CLEC19A: variants seen among roughly 807,000 people sequenced by gnomAD.
The protein encoded by CLEC19A is C-type lectin domain containing 19A.
In CLEC19A, 21 loss-of-function variants were observed where a neutral mutation model predicts 26.1. The ratio of observed to expected loss-of-function variants is 0.80; its 90% CI spans 0.57 to 1.16. CLEC19A has a LOEUF of 1.16. CLEC19A is among the 50% of genes most tolerant of loss of function. The probability of loss-of-function intolerance (pLI) is 0.00; values close to 1 mark genes in which losing one functional copy is unlikely to be tolerated. For missense variants in CLEC19A, 224 were observed against 227.6 expected, an observed-to-expected ratio of 0.98 and a Z score of 0.10; for synonymous variants, 89 against 88.6, an observed-to-expected ratio of 1.00 and a Z score of -0.03.
At position 19,309,379 on chromosome 16, in the gene CLEC19A, G is replaced by T. The variant is rs78529313; in HGVS notation, c.*296G>T. The T allele has an allele frequency of 6.9e-6, 2 of 291,028 alleles. No homozygotes were observed. The highest frequency in any genetic ancestry group is 8.0e-5 in the South Asian group (2 of 24,916). The allele number at this position is 291,028 out of a possible 1,614,324, so 18.0% of individuals were successfully genotyped here. On this transcript the variant is annotated 3_prime_UTR_variant, in exon 5 of 5. Transcript: ENST00000636231. Reference sequence around the variant, plus strand: ...ATCTCACTGGCCTGGCTCGGGTCACGTGCCCATCCCTGAAGCAATCACTTT... The same window carrying T: ...ATCTCACTGGCCTGGCTCGGGTCACTTGCCCATCCCTGAAGCAATCACTTT...
chr16:19,294,405 C>G (rs373771243), intron 1 of CLEC19A, among the ~76,000 whole-genome samples: 5 of 152,156 alleles, frequency 3.3e-5, no homozygotes, highest in Non-Finnish European at 7.3e-5. Context: ...CATCAGCCTT[C>G]GTAATGCTTG....
At position 19,293,462 on chromosome 16, in the gene CLEC19A, AT is replaced by A. The variant is rs56127926; in HGVS notation, c.89-5199del. 8.7e-3 allele frequency among the ~76,000 whole-genome samples: 1,309 copies of A among 149,924 alleles called. 24 individuals carry two copies. The highest frequency in any genetic ancestry group is 0.029 in the African/African-American group (1,200 of 40,998). On this transcript the variant is annotated intron_variant, in intron 1 of 4. Coordinates refer to ENST00000636231, the MANE Select transcript of CLEC19A (RefSeq NM_001256720.2). ...TCTTTGGTACTTTTTAATTTTTTTA[AT>A]TTTTTTTTTTTGTTTTTGAGACAGG...
At chr16:19,293,860 A>T (rs1231550564) in intron 1 of CLEC19A, among the ~76,000 whole-genome samples, 1 of 152,228 alleles carries the variant, frequency 6.6e-6, no homozygotes, top group African/African-American at 2.4e-5. Flanking sequence ...AAGGTAAATG[A>T]GGTGTCCATC....
At position 19,309,038 on chromosome 16, in the gene CLEC19A, G is replaced by T. The variant is rs1898012984; in HGVS notation, c.516G>T (p.Arg172=). The part of the protein sequence containing the change: ...LRSWNDNTCS[R]KFPFVCKIPS... ...CATGGAATGATAACACCTGCAGCCG[G>T]AAGTTCCCCTTTGTCTGCAAAATCC... The change falls in exon 5 of 5, where the codon CGG becomes CGT. Residue 172 remains arginine, a synonymous_variant. Transcript: ENST00000636231. The T allele has an allele frequency of 1.9e-6, 3 of 1,548,354 alleles. No homozygotes were observed. Among genetic ancestry groups the T allele is most frequent in the East Asian group, 2.4e-5 (1 of 40,930 alleles).
At chr16:19,304,359 G>T in intron 3 of CLEC19A, 2 of 420,294 alleles carry the variant, frequency 4.8e-6, no homozygotes, top group South Asian at 3.8e-5. Flanking sequence ...GGAACAGATA[G>T]CATGGTCAGA....
intron 1 of CLEC19A, among the ~76,000 whole-genome samples, chr16:19,290,097 A>G (rs1241702183): frequency 5.9e-5 from 9 of 151,966 alleles, no homozygotes; most frequent in Non-Finnish European, 1.3e-4. Flanking sequence ...AGCCAGATTC[A>G]GTAGGAAGGT....
chr16:19,294,918 C>T (rs1897673698), intron 1 of CLEC19A, among the ~76,000 whole-genome samples: 1 of 152,112 alleles, frequency 6.6e-6, no homozygotes, highest in South Asian at 2.1e-4. Context: ...CCATCTGGGG[C>T]AGGGTTTCTC....
chr16:19,298,939 A>C (rs1897761486), intron 2 of CLEC19A, 101 bp downstream of exon 2: 13 of 1,286,230 alleles, frequency 1.0e-5, no homozygotes, highest in Middle Eastern at 2.5e-4. Context: ...TGGTAATTGA[A>C]ACTATTTGAA....
chr16:19,300,430 C>T (rs924134444), intron 2 of CLEC19A, among the ~76,000 whole-genome samples: 1 of 151,750 alleles, frequency 6.6e-6, no homozygotes, highest in Non-Finnish European at 1.5e-5. Context: ...CACCTGTAGT[C>T]CCAGCTACTC....
At chr16:19,289,620 C>T (rs1897539972) in intron 1 of CLEC19A, among the ~76,000 whole-genome samples, 1 of 152,178 alleles carries the variant, frequency 6.6e-6, no homozygotes, top group Non-Finnish European at 1.5e-5. Context: ...GATACGGATA[C>T]TCCCTCCTAG....
Position 19,309,378 on chromosome 16 carries a change from C to A in CLEC19A, c.*295C>A, listed in dbSNP as rs549924039. 3.5e-6 allele frequency: 1 copy of A among 289,228 alleles called. No individual in the cohort carries two copies. The highest frequency in any genetic ancestry group is 2.3e-5 in the African/African-American group (1 of 44,140). 17.9% of individuals were successfully genotyped at this position (289,228 alleles called of 1,614,324 possible). ...AATCTCACTGGCCTGGCTCGGGTCA[C>A]GTGCCCATCCCTGAAGCAATCACTT... On this transcript the variant is annotated 3_prime_UTR_variant, in exon 5 of 5. Transcript: ENST00000636231.
chr16:19,298,581 A>G (rs1548449), intron 1 of CLEC19A, 92 bp from the exon 2 acceptor site: 2 of 1,334,966 alleles, frequency 1.5e-6, no homozygotes, highest in African/African-American at 1.5e-5. Context: ...AAAAATTAAA[A>G]GATTGTAAAG....
intron 1 of CLEC19A, among the ~76,000 whole-genome samples, chr16:19,292,450 T>C (rs756660887): frequency 1.3e-5 from 2 of 152,228 alleles, no homozygotes; most frequent in Non-Finnish European, 2.9e-5. Context: ...TCAGGACTCC[T>C]GGTTTCAAAG....
chr16:19,295,814 G>A (rs962240844), intron 1 of CLEC19A, among the ~76,000 whole-genome samples: 2 of 152,182 alleles, frequency 1.3e-5, no homozygotes, highest in African/African-American at 2.4e-5. Flanking sequence ...CCCAAGCAGC[G>A]ATTCAGTAGA....
At chr16:19,287,074 A>T in intron 1 of CLEC19A, among the ~76,000 whole-genome samples, 1 of 143,264 alleles carries the variant, frequency 7.0e-6, no homozygotes, top group Admixed American at 7.2e-5. Context: ...ACAATAAGGG[A>T]TAGTCTTAGC....
At chr16:19,306,858 G>A (rs1411463288) in intron 3 of CLEC19A, among the ~76,000 whole-genome samples, 1 of 152,142 alleles carries the variant, frequency 6.6e-6, no homozygotes, top group African/African-American at 2.4e-5. Flanking sequence ...GAAGTAGCAT[G>A]CTATTCCCAT....
rs1477115747 is a variant in CLEC19A at position 19,310,074 on chromosome 16, A to G, written c.*991A>G. On this transcript the variant is annotated 3_prime_UTR_variant, in exon 5 of 5. Transcript: ENST00000636231. ...TGTAAAATAGTGAAGCCACTGTGGA[A>G]AAGTTTGGCAGTTCCTCAAAAAGTT... The G allele has an allele frequency of 2.0e-5, 3 of 152,226 alleles. No individual in the cohort carries two copies. Among genetic ancestry groups the G allele is most frequent in the Admixed American group, 6.5e-5 (1 of 15,290 alleles). The allele number at this position is 152,226 out of a possible 1,614,324, so 9.4% of individuals were successfully genotyped here.
chr16:19,298,484 T>C (rs1417323102), intron 1 of CLEC19A, among the ~76,000 whole-genome samples, 189 bp from the exon 2 acceptor site: 2 of 152,194 alleles, frequency 1.3e-5, no homozygotes, highest in East Asian at 3.9e-4. Flanking sequence ...GGAGTATCAC[T>C]TGAGCTGAGA....
At chr16:19,308,258 A>T (rs936698904) in intron 4 of CLEC19A, among the ~76,000 whole-genome samples, 1 of 152,078 alleles carries the variant, frequency 6.6e-6, no homozygotes, top group Non-Finnish European at 1.5e-5. Flanking sequence ...CACAGTTGAT[A>T]TAGCACCGTG....
Sources: allele counts gnomAD v4.1 joint callset (sites outside exome capture counted in the v4.1 genomes callset), GRCh38; gene constraint gnomAD v4.1.1; transcripts MANE v1.5; gene names NCBI Gene and HGNC (gene_info 2026-07-23, HGNC 2026-07-21).